Variants in TPD52L1 observed in about 807,000 individuals in gnomAD.
TPD52L1 encodes the protein tumor protein D53.
Under a neutral mutation model 28.7 loss-of-function variants are expected in TPD52L1, and 18 were observed. The observed-to-expected ratio is 0.63, with a 90% CI of 0.43 to 0.93. TPD52L1 has a LOEUF of 0.93. TPD52L1 is among the 40% of genes least tolerant of loss of function. TPD52L1 has a pLI of 0.00. For synonymous variants in TPD52L1, 75 were observed against 88.8 expected (o/e 0.84, Z 0.88); for missense variants, 203 against 254.8 (o/e 0.80, Z 1.39).
intron 1 of TPD52L1, among the ~76,000 whole-genome samples, chr6:125,172,949 A>C (rs989883569): frequency 1.3e-5 from 2 of 152,186 alleles, no homozygotes; most frequent in African/African-American, 4.8e-5. Flanking sequence ...AATGAGAAGG[A>C]AATAATTTCA....
intron 4 of TPD52L1, 138 bp downstream of exon 4, chr6:125,248,521 T>C: frequency 1.6e-6 from 1 of 638,558 alleles, no homozygotes; most frequent in South Asian, 2.0e-5. Context: ...GCTGATATGA[T>C]TGATGACTAA....
intron 3 of TPD52L1, among the ~76,000 whole-genome samples, chr6:125,229,545 C>T (rs1795815903): frequency 6.6e-6 from 1 of 152,106 alleles, no homozygotes; most frequent in South Asian, 2.1e-4. Flanking sequence ...ATGTTTTTCT[C>T]TTTATATTTT....
intron 2 of TPD52L1, among the ~76,000 whole-genome samples, chr6:125,226,407 T>G (rs1562326205): frequency 6.6e-6 from 1 of 152,134 alleles, no homozygotes; most frequent in African/African-American, 2.4e-5. Context: ...CTATCGCTTT[T>G]GGGGGATGAA....
chr6:125,200,910 C>T (rs138662262), intron 1 of TPD52L1, among the ~76,000 whole-genome samples: 90 of 152,250 alleles, frequency 5.9e-4, no homozygotes, highest in African/African-American at 2.1e-3. Flanking sequence ...ATGGAGTCAG[C>T]GTTCTAAAGT....
chr6:125,173,914 C>G (rs924864350), intron 1 of TPD52L1, among the ~76,000 whole-genome samples: 3 of 152,088 alleles, frequency 2.0e-5, no homozygotes. Flanking sequence ...CAGAAGAAAG[C>G]AAACTAAAGG....
chr6:125,157,238 A>G (rs1006328036), intron 1 of TPD52L1, among the ~76,000 whole-genome samples: 1 of 152,220 alleles, frequency 6.6e-6, no homozygotes, highest in Non-Finnish European at 1.5e-5. Flanking sequence ...GCAGTTGCTG[A>G]TGAGTTGTAC....
intron 2 of TPD52L1, among the ~76,000 whole-genome samples, chr6:125,222,850 T>A (rs1207460901): frequency 6.6e-6 from 1 of 152,204 alleles, no homozygotes; most frequent in Admixed American, 6.5e-5. Flanking sequence ...CGCCTTAGAT[T>A]GTCTAAGATG....
chr6:125,172,561 A>ATATATAATATATATAT (rs1562215221), intron 1 of TPD52L1, among the ~76,000 whole-genome samples: 1 of 90,494 alleles, frequency 1.1e-5, no homozygotes, highest in East Asian at 5.8e-4. Context: ...TAATATATAT[A>ATATATAATATATATAT]CTATATGGCA....
intron 4 of TPD52L1, 154 bp from the exon 5 acceptor site, chr6:125,253,563 A>T: frequency 1.4e-6 from 1 of 696,246 alleles, no homozygotes; most frequent in Non-Finnish European, 2.4e-6. Context: ...CATTATACCC[A>T]ACAAAAACAA....
Position 125,186,232 on chromosome 6 carries a change from G to A in TPD52L1, c.19+32262G>A, listed in dbSNP as rs938689260. On this transcript the variant is annotated intron_variant, in intron 1 of 6. Transcript: ENST00000534000. ...GAGCAGGGATCTGCAAACTTTCTCC[G>A]TAAAGACCAGAGAGTAAACGATTTA... 7.2e-5 allele frequency among the ~76,000 whole-genome samples: 11 copies of A among 152,098 alleles called. 1 individual carries two copies. The highest frequency in any genetic ancestry group is 4.2e-4 in the South Asian group (2 of 4,818).
At chr6:125,225,422 C>G (rs563411977) in intron 2 of TPD52L1, among the ~76,000 whole-genome samples, 3 of 152,154 alleles carry the variant, frequency 2.0e-5, no homozygotes, top group Admixed American at 6.5e-5. Flanking sequence ...TTCTGAGAAA[C>G]TGTACGACTG....
At chr6:125,194,500 C>A (rs1376483679) in intron 1 of TPD52L1, among the ~76,000 whole-genome samples, 2 of 152,100 alleles carry the variant, frequency 1.3e-5, no homozygotes, top group South Asian at 4.1e-4. Context: ...TGATCTGGAC[C>A]AAATGTCCTT....
chr6:125,211,681 A>T (rs1302270325), intron 1 of TPD52L1, among the ~76,000 whole-genome samples: 1 of 152,222 alleles, frequency 6.6e-6, no homozygotes, highest in South Asian at 2.1e-4. Flanking sequence ...TTCACACATT[A>T]GATTTCAAGC....
intron 1 of TPD52L1, among the ~76,000 whole-genome samples, chr6:125,172,144 C>CTTTCT: frequency 1.6e-5 from 1 of 60,638 alleles, no homozygotes; most frequent in South Asian, 5.7e-4. Flanking sequence ...TTCTTTCTTT[C>CTTTCT]TTTCTTTCTT....
At chr6:125,209,714 C>G (rs1040738840) in intron 1 of TPD52L1, among the ~76,000 whole-genome samples, 2 of 152,150 alleles carry the variant, frequency 1.3e-5, no homozygotes, top group Non-Finnish European at 2.9e-5. Context: ...ACACCTGGCT[C>G]TCTTCAGAGT....
At chr6:125,234,438 A>G (rs1365922121) in intron 3 of TPD52L1, 1 of 152,200 alleles carries the variant, frequency 6.6e-6, no homozygotes, top group Non-Finnish European at 1.5e-5. Flanking sequence ...GGCACAGAAC[A>G]CAGACTTGAA....
rs567905131 is a variant in TPD52L1, at chr6:125,229,205, C to A, written c.223C>A (p.Leu75Met). The change falls in exon 3 of 7, where the codon CTG becomes ATG. Residue 75 changes from leucine to methionine, a missense_variant. Leu to Met is a conservative substitution (Grantham distance 15). Coordinates refer to ENST00000534000, the MANE Select transcript of TPD52L1 (RefSeq NM_003287.4). The stretch of plus-strand genomic sequence containing the variant: ...GATAAAACAAAAACTCGGCATGAAC[C>A]TGATGAATGAATTAAAACAGAACTT... ...VEIKQKLGMN[L>M]MNELKQNFSK... 6.2e-7 allele frequency: 1 copy of A among 1,613,606 alleles called. No homozygotes were observed. Among genetic ancestry groups the A allele is most frequent in the African/African-American group, 1.3e-5 (1 of 74,976 alleles).
chr6:125,244,977 G>A lies in TPD52L1; in HGVS notation c.285-3305G>A, dbSNP rs545540870. ...GGGACATCCTGAGAGCTGGACTGCA[G>A]TGATTGTTATTTCTCTTCTTAGTCT... On this transcript the variant is annotated intron_variant, in intron 3 of 6. Transcript: ENST00000534000. 1.8e-4 allele frequency among the ~76,000 whole-genome samples: 27 copies of A among 152,292 alleles called. No individual in the cohort carries two copies. In the South Asian group the frequency reaches 5.6e-3, roughly 32 times the overall value.
rs143790196 is a variant in TPD52L1, at chr6:125,199,545, C to T, written c.20-20533C>T. ...TACTAAAAATACAAAATTAGCCAGGCGTGGTGCTACATGCCTGTAATCCCA... is the reference window on the plus strand; with the variant it reads ...TACTAAAAATACAAAATTAGCCAGGTGTGGTGCTACATGCCTGTAATCCCA... On this transcript the variant is annotated intron_variant, in intron 1 of 6. Coordinates refer to ENST00000534000, the MANE Select transcript of TPD52L1 (RefSeq NM_003287.4). Among the ~76,000 whole-genome samples, 741 of 152,194 alleles carry T rather than the reference C, an allele frequency of 4.9e-3. 6 individuals are homozygous for T. Among genetic ancestry groups the T allele is most frequent in the African/African-American group, 0.017 (690 of 41,552 alleles).
Sources: allele counts gnomAD v4.1 joint callset (sites outside exome capture counted in the v4.1 genomes callset), GRCh38; gene constraint gnomAD v4.1.1; transcripts MANE v1.5; gene names NCBI Gene and HGNC (gene_info 2026-07-23, HGNC 2026-07-21).